Variants in CIB4 observed in about 807,000 individuals in gnomAD.
CIB4 encodes calcium and integrin-binding family member 4.
Under a neutral mutation model 25.8 loss-of-function variants are expected in CIB4, and 25 were observed. The ratio of observed to expected loss-of-function variants is 0.97; its 90% CI spans 0.71 to 1.35. The LOEUF (loss-of-function observed/expected upper bound fraction) is 1.35. CIB4 is among the 40% of genes most tolerant of loss of function. The pLI is 0.00. For synonymous variants in CIB4, 75 were observed against 81.4 expected (o/e 0.92, Z 0.42); for missense variants, 235 against 228.2 (o/e 1.03, Z -0.19).
intron 3 of CIB4, among the ~76,000 whole-genome samples, chr2:26,601,260 A>G (rs1668784505): frequency 7.7e-6 from 1 of 129,598 alleles, no homozygotes; most frequent in Admixed American, 8.1e-5. Flanking sequence ...ATATATATAT[A>G]TATATATATG....
At chr2:26,598,250 A>T (rs977541210) in intron 3 of CIB4, among the ~76,000 whole-genome samples, 4 of 151,824 alleles carry the variant, frequency 2.6e-5, no homozygotes, top group African/African-American at 9.7e-5. Context: ...CAGTGAGCTG[A>T]GATCACGACA....
intron 4 of CIB4, among the ~76,000 whole-genome samples, chr2:26,584,250 G>A (rs1239346534): frequency 6.6e-6 from 1 of 152,140 alleles, no homozygotes; most frequent in African/African-American, 2.4e-5. Flanking sequence ...AAGTGGAAGG[G>A]GAGATTCAAA....
intron 3 of CIB4, among the ~76,000 whole-genome samples, chr2:26,604,223 T>TA (rs1239346517): frequency 6.6e-6 from 1 of 151,454 alleles, no homozygotes; most frequent in Non-Finnish European, 1.5e-5. Flanking sequence ...CTACTAAAAA[T>TA]AAAAAAATTA....
chr2:26,587,364 T>C (rs1464816710), intron 4 of CIB4, among the ~76,000 whole-genome samples: 1 of 138,352 alleles, frequency 7.2e-6, no homozygotes, highest in Non-Finnish European at 1.6e-5. Flanking sequence ...GACTTCTACA[T>C]ATTAGATAAA....
chr2:26,639,360 C>G (rs951736768), intron 2 of CIB4, among the ~76,000 whole-genome samples: 1 of 151,910 alleles, frequency 6.6e-6, no homozygotes. Context: ...CCCCACCCCC[C>G]AACAGGCCCC....
At chr2:26,618,788 G>A (rs1669145299) in intron 3 of CIB4, among the ~76,000 whole-genome samples, 1 of 152,196 alleles carries the variant, frequency 6.6e-6, no homozygotes, top group African/African-American at 2.4e-5. Context: ...GGAAGAAGTT[G>A]TGCCAAGGCT....
At chr2:26,618,710 C>T (rs1482114440) in intron 3 of CIB4, among the ~76,000 whole-genome samples, 2 of 152,210 alleles carry the variant, frequency 1.3e-5, no homozygotes, top group Non-Finnish European at 2.9e-5. Context: ...CGTGTGGGTA[C>T]TCCGAGGGCC....
At position 26,601,231 on chromosome 2, in the gene CIB4, A is replaced by AAATATAT. The variant is rs1395827334; in HGVS notation, c.187-5915_187-5914insATATATT. ...TGAGACCATGTCAAAAAAAAAAAAA[A>AAATATAT]ATATATATATATATATATATATATA... On this transcript the variant is annotated intron_variant, in intron 3 of 6. Transcript: ENST00000288861. Among the ~76,000 whole-genome samples, 16 of 17,218 alleles carry AAATATAT rather than the reference A, an allele frequency of 9.3e-4. 1 individual carries two copies. Among genetic ancestry groups the AAATATAT allele is most frequent in the African/African-American group, 2.1e-3 (14 of 6,692 alleles). The allele number at this position is 17,218 out of a possible 152,430, so 11.3% of individuals were successfully genotyped here. A position where few individuals can be genotyped will look rare whatever the true frequency, so the allele number is the denominator to read the frequency against.
intron 3 of CIB4, among the ~76,000 whole-genome samples, chr2:26,613,749 G>A (rs1669040428): frequency 6.6e-6 from 1 of 152,158 alleles, no homozygotes. Flanking sequence ...CCGGTGCCTG[G>A]CACACAGAAG....
At chr2:26,585,340 G>T (rs1439013194) in intron 4 of CIB4, among the ~76,000 whole-genome samples, 1 of 152,026 alleles carries the variant, frequency 6.6e-6, no homozygotes, top group Non-Finnish European at 1.5e-5. Context: ...CTGGCATGGT[G>T]TGAGGGGAGC....
intron 4 of CIB4, among the ~76,000 whole-genome samples, chr2:26,594,201 A>T (rs1668638286): frequency 6.6e-6 from 1 of 152,194 alleles, no homozygotes; most frequent in African/African-American, 2.4e-5. Context: ...GTAGAGTTTT[A>T]TAGTTGCTAT....
intron 3 of CIB4, among the ~76,000 whole-genome samples, chr2:26,604,914 C>T (rs1228640257): frequency 6.6e-6 from 1 of 152,082 alleles, no homozygotes; most frequent in Non-Finnish European, 1.5e-5. Context: ...AAAAGACTAC[C>T]AATCAACGGG....
rs1558555030 is a variant in CIB4 at position 26,589,093 on chromosome 2, T to TTCTTCC, written c.329-5196_329-5195insGGAAGA. Among the ~76,000 whole-genome samples, 37 of 92,890 alleles carry TTCTTCC rather than the reference T, an allele frequency of 4.0e-4. 3 individuals are homozygous for TTCTTCC. Among genetic ancestry groups the TTCTTCC allele is most frequent in the East Asian group, 5.6e-4 (2 of 3,602 alleles). 60.9% of individuals were successfully genotyped at this position (92,890 alleles called of 152,430 possible). ...CTTCCTCTTCTTCTTCTTCTTCTTC[T>TTCTTCC]TCTTCTTCTTCTTCCTCTTCTTCTT... On this transcript the variant is annotated intron_variant, in intron 4 of 6. Transcript: ENST00000288861.
chr2:26,617,487 G>A (rs6737459), intron 3 of CIB4, among the ~76,000 whole-genome samples: 6,039 of 152,246 alleles, frequency 0.04, 428 homozygotes, highest in East Asian at 0.33. Flanking sequence ...AGATACCACT[G>A]CATCTTACAG....
Position 26,640,520 on chromosome 2 carries a change from G to T in CIB4, c.89+13C>A, listed in dbSNP as rs3739079. On this transcript the variant is annotated intron_variant, in intron 2 of 6. Transcript: ENST00000288861. The stretch of plus-strand genomic sequence containing the variant: ...AGCTGGGAGAAGGAAAGAGGGGCGG[G>T]GCTTCTACTCACCACAGAATTTCAT... 3 of 1,612,792 alleles carry T rather than the reference G, an allele frequency of 1.9e-6. No individual in the cohort carries two copies. The highest frequency in any genetic ancestry group is 2.2e-5 in the South Asian group (2 of 90,922).
intron 2 of CIB4, among the ~76,000 whole-genome samples, chr2:26,634,473 T>C (rs1418243669): frequency 6.6e-6 from 1 of 152,218 alleles, no homozygotes; most frequent in Non-Finnish European, 1.5e-5. Context: ...ACGTAATCGG[T>C]GCTGACCCAT....
At chr2:26,593,630 T>C (rs1390771056) in intron 4 of CIB4, among the ~76,000 whole-genome samples, 1 of 152,196 alleles carries the variant, frequency 6.6e-6, no homozygotes, top group East Asian at 1.9e-4. Flanking sequence ...TTTTGTACAT[T>C]GTGTACAATT....
chr2:26,641,296 A>G lies in CIB4; in HGVS notation c.19T>C (p.Tyr7His). 3 of 1,613,662 alleles carry G rather than the reference A, an allele frequency of 1.9e-6. No individual in the cohort carries two copies. Among genetic ancestry groups the G allele is most frequent in the Non-Finnish European group, 2.5e-6 (3 of 1,179,820 alleles). Residue 7 changes from tyrosine to histidine, a missense_variant, in exon 1 of 7, where the codon TAT (tyrosine) becomes CAT (histidine). By Grantham distance (83) the Tyr-to-His change is moderately conservative (BLOSUM62 2). Transcript: ENST00000288861. MGQCLRYQMHWEDLEEY... is the reference protein window; with the variant it reads MGQCLRHQMHWEDLEEY... ...TCCAGGTCCTCCCAGTGCATCTGAT[A>G]CCTCAAGCATTGCCCCATGCCAACC...
chr2:26,594,925 C>G (rs1668650939), intron 4 of CIB4, among the ~76,000 whole-genome samples: 1 of 152,156 alleles, frequency 6.6e-6, no homozygotes, highest in Non-Finnish European at 1.5e-5. Context: ...ACACCACACA[C>G]TACCAGCAAA....
Sources: gnomAD v4.1 joint callset for allele counts (sites outside exome capture counted in the v4.1 genomes callset) on GRCh38, gnomAD v4.1.1 for gene constraint, MANE v1.5 for transcripts, NCBI Gene and HGNC (gene_info 2026-07-23, HGNC 2026-07-21) for gene names.